ATP8B1: variants seen among roughly 807,000 people sequenced by gnomAD.
ATP8B1 encodes ATPase phospholipid transporting 8B1, also known as phospholipid-transporting ATPase IC.
Under a neutral mutation model 149.9 loss-of-function variants are expected in ATP8B1, and 80 were observed. That is an observed-to-expected ratio of 0.53 (90% CI 0.45 to 0.64). The LOEUF (loss-of-function observed/expected upper bound fraction) is 0.64, where lower values mean the gene tolerates loss of function less well. Among genes scored for constraint, ATP8B1 ranks in the 30% least tolerant of loss-of-function variants. ATP8B1 has a pLI of 0.00. For missense variants in ATP8B1, 1,247 were observed against 1,552.6 expected, an observed-to-expected ratio of 0.80 and a Z score of 3.31; for synonymous variants, 536 against 562.8, an observed-to-expected ratio of 0.95 and a Z score of 0.67.
intron 1 of ATP8B1, among the ~76,000 whole-genome samples, chr18:57,739,559 A>G (rs2079890286): frequency 1.3e-5 from 2 of 152,320 alleles, no homozygotes; most frequent in Admixed American, 1.3e-4. Flanking sequence ...GATCTGGGGA[A>G]AGAGCAAATC....
At chr18:57,697,717 C>A (rs746868895) in intron 7 of ATP8B1, 29 bp from the exon 8 acceptor site, 1 of 1,613,786 alleles carries the variant, frequency 6.2e-7, no homozygotes, top group South Asian at 1.1e-5. Flanking sequence ...ACAAATAACA[C>A]CGAGACCCTG....
At chr18:57,758,639 A>T (rs1024668476) in intron 1 of ATP8B1, among the ~76,000 whole-genome samples, 1 of 114,480 alleles carries the variant, frequency 8.7e-6, no homozygotes, top group Non-Finnish European at 1.9e-5. Flanking sequence ...CAAGAGCAAA[A>T]CTCTGTCTCA....
intron 1 of ATP8B1, among the ~76,000 whole-genome samples, chr18:57,737,495 C>T (rs2079869258): frequency 6.6e-6 from 1 of 151,922 alleles, no homozygotes; most frequent in South Asian, 2.1e-4. Flanking sequence ...ATCCTCCTAC[C>T]CTGCTCCCCA....
intron 16 of ATP8B1, among the ~76,000 whole-genome samples, chr18:57,673,837 T>C (rs1911412691): frequency 6.6e-6 from 1 of 152,154 alleles, no homozygotes; most frequent in Non-Finnish European, 1.5e-5. Flanking sequence ...TGGTAGGAAG[T>C]GATTTTCATC....
chr18:57,739,926 C>T (rs553068208), intron 1 of ATP8B1, among the ~76,000 whole-genome samples: 3 of 152,260 alleles, frequency 2.0e-5, no homozygotes, highest in South Asian at 4.1e-4. Context: ...ATAGGAGGCT[C>T]GTTTGTTTCT....
chr18:57,726,299 T>C (rs2079707658), intron 2 of ATP8B1, among the ~76,000 whole-genome samples: 1 of 152,176 alleles, frequency 6.6e-6, no homozygotes. Flanking sequence ...GGCAAAGATT[T>C]CTTGAGTAAT....
At chr18:57,668,807 A>G (rs1911055848) in intron 18 of ATP8B1, 1 of 421,832 alleles carries the variant, frequency 2.4e-6, no homozygotes, top group Non-Finnish European at 4.2e-6. Context: ...GGATGTTAAA[A>G]ATACACTTTT....
intron 2 of ATP8B1, among the ~76,000 whole-genome samples, chr18:57,713,202 T>TTCTTTCTTA (rs1435701972): frequency 9.6e-6 from 1 of 104,232 alleles, no homozygotes; most frequent in African/African-American, 3.8e-5. Flanking sequence ...TTTCTTTCCT[T>TTCTTTCTTA]CCTTCCTTCC....
At chr18:57,773,189 G>A (rs1394145765) in intron 1 of ATP8B1, among the ~76,000 whole-genome samples, 2 of 118,404 alleles carry the variant, frequency 1.7e-5, no homozygotes, top group African/African-American at 3.5e-5. Context: ...GTGACAGAGC[G>A]AGACTCTGTC....
chr18:57,786,101 T>C (rs1339923202), intron 1 of ATP8B1, among the ~76,000 whole-genome samples: 1 of 152,240 alleles, frequency 6.6e-6, no homozygotes, highest in Non-Finnish European at 1.5e-5. Flanking sequence ...TGTGTAATTA[T>C]AGAACAGGTG....
At chr18:57,795,717 G>A (rs1309615874) in intron 1 of ATP8B1, among the ~76,000 whole-genome samples, 1 of 152,142 alleles carries the variant, frequency 6.6e-6, no homozygotes, top group East Asian at 1.9e-4. Flanking sequence ...GAAGAAGGGG[G>A]TAGTTACTCT....
At chr18:57,704,944 C>T (rs1423559516) in intron 3 of ATP8B1, among the ~76,000 whole-genome samples, 3 of 152,080 alleles carry the variant, frequency 2.0e-5, no homozygotes, top group Non-Finnish European at 4.4e-5. Flanking sequence ...ATTAGCCAGG[C>T]GTGGTGGCCT....
rs1268273129 is a variant in ATP8B1 at position 57,705,264 on chromosome 18, G to C, written c.280-596C>G. ...CCCATTAGAGACTGTTAGAAAACAG[G>C]GTAAAGGTAGACAACAACATGGCCA... On this transcript the variant is annotated intron_variant, in intron 3 of 27. Transcript: ENST00000648908. 3.3e-5 allele frequency among the ~76,000 whole-genome samples: 5 copies of C among 152,184 alleles called. No individual in the cohort carries two copies. In the East Asian group the frequency reaches 7.7e-4, roughly 24 times the overall value.
intron 15 of ATP8B1, among the ~76,000 whole-genome samples, chr18:57,677,722 A>G (rs1439814928): frequency 1.3e-5 from 2 of 152,228 alleles, no homozygotes; most frequent in African/African-American, 4.8e-5. Context: ...CCATCTAGCA[A>G]TCATATACAA....
intron 2 of ATP8B1, among the ~76,000 whole-genome samples, chr18:57,729,549 C>CTTTTTTTTTTTTTTTTTT (rs71171074): frequency 3.3e-5 from 4 of 120,738 alleles, no homozygotes; most frequent in Admixed American, 9.0e-5. Context: ...TTCTTTCTTT[C>CTTTTTTTTTTTTTTTTTT]TTTTTTTTTT....
chr18:57,651,528 TCATGTTATG>T (rs1326244574), intron 26 of ATP8B1, among the ~76,000 whole-genome samples: 1 of 152,230 alleles, frequency 6.6e-6, no homozygotes, highest in African/African-American at 2.4e-5. Flanking sequence ...CTTCCTCCCA[TCATGTTATG>T]CCCTTTCAAC....
At chr18:57,661,687 A>ACACT (rs1445028431) in intron 21 of ATP8B1, among the ~76,000 whole-genome samples, 1 of 94,064 alleles carries the variant, frequency 1.1e-5, no homozygotes, top group Non-Finnish European at 2.1e-5. Context: ...ACACACACAC[A>ACACT]CACACACACA....
intron 1 of ATP8B1, among the ~76,000 whole-genome samples, chr18:57,801,282 C>T (rs538152937): frequency 1.2e-4 from 18 of 152,118 alleles, no homozygotes; most frequent in Non-Finnish European, 2.5e-4. Context: ...TGGAAAACGA[C>T]GAATGAACAA....
chr18:57,783,472 C>T (rs547260406), intron 1 of ATP8B1, among the ~76,000 whole-genome samples: 3 of 152,168 alleles, frequency 2.0e-5, no homozygotes, highest in South Asian at 2.1e-4. Flanking sequence ...TTAAAAATAT[C>T]GAATATGCCT....
Sources: allele counts gnomAD v4.1 joint callset (sites outside exome capture counted in the v4.1 genomes callset), GRCh38; gene constraint gnomAD v4.1.1; transcripts MANE v1.5; gene names NCBI Gene and HGNC (gene_info 2026-07-23, HGNC 2026-07-21).